The following LAMA2 variants were observed in gnomAD, a reference collection of about 807,000 sequenced individuals.
LAMA2 encodes the protein laminin subunit alpha 2.
Under a neutral mutation model 364.8 loss-of-function variants are expected in LAMA2, and 269 were observed. That is an observed-to-expected ratio of 0.74 (90% CI 0.67 to 0.82). The LOEUF (loss-of-function observed/expected upper bound fraction) is 0.82, where lower values mean the gene tolerates loss of function less well. Among genes scored for constraint, LAMA2 ranks in the 40% least tolerant of loss-of-function variants. The pLI, the probability that LAMA2 is intolerant of heterozygous loss-of-function variation, is 0.00. For missense variants in LAMA2, 3,807 were observed against 3,873.2 expected, an observed-to-expected ratio of 0.98 and a Z score of 0.45; for synonymous variants, 1,379 against 1,370.6, an observed-to-expected ratio of 1.01 and a Z score of -0.14.
chr6:129,299,366 A>G (rs745947740), intron 21 of LAMA2, among the ~76,000 whole-genome samples: 11 of 152,142 alleles, frequency 7.2e-5, no homozygotes, highest in Admixed American at 1.3e-4. Context: ...GTTAGCGGCT[A>G]TAAAATATTT....
intron 12 of LAMA2, 41 bp from the exon 13 acceptor site, chr6:129,250,071 A>G (rs1020120521): frequency 8.6e-7 from 1 of 1,158,174 alleles, no homozygotes. Flanking sequence ...TTAATAGCCC[A>G]TCTCCTATCC....
chr6:129,410,706 TAGAC>T (rs1416521054), intron 40 of LAMA2, among the ~76,000 whole-genome samples: 18 of 149,560 alleles, frequency 1.2e-4, no homozygotes, highest in African/African-American at 2.5e-4. Context: ...AGATGGATGA[TAGAC>T]AGATTAGATA....
chr6:129,254,613 A>G (rs573300583), intron 14 of LAMA2, among the ~76,000 whole-genome samples: 28 of 152,324 alleles, frequency 1.8e-4, no homozygotes, highest in African/African-American at 5.8e-4. Context: ...ATTTCCATAC[A>G]TATGACAGTT....
intron 45 of LAMA2, among the ~76,000 whole-genome samples, chr6:129,449,715 A>C (rs1782568909): frequency 1.3e-5 from 2 of 151,778 alleles, no homozygotes; most frequent in East Asian, 3.9e-4. Flanking sequence ...GTGACATTAG[A>C]TACTCAGTTT....
At chr6:129,213,814 A>T (rs910629104) in intron 12 of LAMA2, among the ~76,000 whole-genome samples, 4 of 152,136 alleles carry the variant, frequency 2.6e-5, no homozygotes, top group Admixed American at 2.6e-4. Context: ...AGTTTCTCTT[A>T]TTCTCTTCAC....
chr6:129,361,848 G>A (rs1777480757), intron 32 of LAMA2, among the ~76,000 whole-genome samples: 1 of 137,012 alleles, frequency 7.3e-6, no homozygotes, highest in Non-Finnish European at 1.5e-5. Context: ...GCAGTGGCAT[G>A]ATCTAGGCTC....
intron 12 of LAMA2, among the ~76,000 whole-genome samples, chr6:129,208,533 G>GAGAGAAAGAAAAGGAAGAGAAAGAAAGAA (rs1782837295): frequency 7.2e-6 from 1 of 139,506 alleles, no homozygotes; most frequent in Admixed American, 7.1e-5. Flanking sequence ...AAGAAAGAAA[G>GAGAGAAAGAAAAGGAAGAGAAAGAAAGAA]AGAGAAAGAA....
intron 1 of LAMA2, among the ~76,000 whole-genome samples, chr6:128,945,424 A>G (rs1351397205): frequency 1.3e-5 from 2 of 152,240 alleles, no homozygotes; most frequent in African/African-American, 2.4e-5. Flanking sequence ...TACAGCAGGC[A>G]GTGAAGAACA....
chr6:129,471,301 G>T (rs966063285), intron 51 of LAMA2, among the ~76,000 whole-genome samples: 1 of 151,868 alleles, frequency 6.6e-6, no homozygotes, highest in Non-Finnish European at 1.5e-5. Context: ...ATAGAGTAAA[G>T]CACTCCCTTT....
intron 34 of LAMA2, among the ~76,000 whole-genome samples, chr6:129,377,310 G>A (rs1778428388): frequency 6.6e-6 from 1 of 151,946 alleles, no homozygotes; most frequent in Non-Finnish European, 1.5e-5. Flanking sequence ...AATATTATAA[G>A]TTTACAAGAT....
chr6:129,381,201 G>C (rs1027077477), intron 34 of LAMA2, among the ~76,000 whole-genome samples: 1 of 152,132 alleles, frequency 6.6e-6, no homozygotes, highest in Non-Finnish European at 1.5e-5. Flanking sequence ...TAAGATATTG[G>C]AAGATGACCA....
intron 1 of LAMA2, among the ~76,000 whole-genome samples, chr6:129,026,098 C>A (rs567954031): frequency 6.6e-6 from 1 of 152,198 alleles, no homozygotes; most frequent in South Asian, 2.1e-4. Flanking sequence ...TCTCCCTAGA[C>A]ATAGACTATT....
At chr6:129,234,430 T>C (rs1403903994) in intron 12 of LAMA2, among the ~76,000 whole-genome samples, 2 of 152,154 alleles carry the variant, frequency 1.3e-5, no homozygotes, top group Non-Finnish European at 2.9e-5. Flanking sequence ...AGTTTTTTAC[T>C]TATATCACAG....
At chr6:128,937,485 C>A (rs1001517235) in intron 1 of LAMA2, among the ~76,000 whole-genome samples, 6 of 151,860 alleles carry the variant, frequency 4.0e-5, no homozygotes, top group African/African-American at 1.5e-4. Flanking sequence ...GTACTCATTA[C>A]CCAAATTTGT....
At position 129,516,431 on chromosome 6, in the gene LAMA2, TA is replaced by T; in HGVS notation, c.*86del. ...ACAAATATATTTTACCTATATATGT[TA>T]ATTAAACTAATTTGTGCATGTACAT... On this transcript the variant is annotated 3_prime_UTR_variant, in exon 65 of 65. Transcript: ENST00000421865. The T allele has an allele frequency of 7.6e-7, 1 of 1,316,330 alleles. No individual in the cohort carries two copies. 81.5% of individuals were successfully genotyped at this position (1,316,330 alleles called of 1,614,324 possible). A position where few individuals can be genotyped will look rare whatever the true frequency, so the allele number is the denominator to read the frequency against.
rs1477743469 is a variant in LAMA2, at chr6:129,415,944, TC to T, written c.5866-11807del. Among the ~76,000 whole-genome samples the T allele has an allele frequency of 1.6e-4, 17 of 104,092 alleles. 1 individual carries two copies. Among genetic ancestry groups the T allele is most frequent in the Non-Finnish European group, 3.1e-4 (16 of 51,918 alleles). 68.3% of individuals were successfully genotyped at this position (104,092 alleles called of 152,430 possible). On this transcript the variant is annotated intron_variant, in intron 40 of 64. Transcript: ENST00000421865. ...CTTTGCTGAAATTATACACTTTCTT[TC>T]TTTTTTTTTTTTTTTTTTTTTGAGA...
At position 129,177,837 on chromosome 6, in the gene LAMA2, G is replaced by C. The variant is rs768914124; in HGVS notation, c.1438G>C (p.Asp480His). 3.1e-6 allele frequency: 5 copies of C among 1,613,834 alleles called. 1 individual carries two copies. In the East Asian group the frequency reaches 8.9e-5, roughly 29 times the overall value. Residue 480 changes from aspartate (D) to histidine (H), a missense_variant, in exon 10 of 65, where the codon GAT becomes CAT. Physicochemically the swap from Asp to His is moderately conservative, Grantham distance 81. Coordinates refer to ENST00000421865, the MANE Select transcript of LAMA2 (RefSeq NM_000426.4). ...NCSGLGSKNE[D>H]PCFGPCICKE... ...CAGTGGGTTAGGGAGCAAAAATGAG[G>C]ATCCTTGTTTTGGCCCCTGTATCTG... is the stretch of plus-strand genomic sequence containing the variant.
At chr6:129,169,840 T>G (rs1161895086) in intron 9 of LAMA2, among the ~76,000 whole-genome samples, 7 of 143,598 alleles carry the variant, frequency 4.9e-5, no homozygotes, top group South Asian at 2.3e-4. Flanking sequence ...CAATTTCAGA[T>G]CCTGTTATTG....
intron 20 of LAMA2, chr6:129,293,050 A>G (rs1225712139): frequency 1.0e-6 from 1 of 985,892 alleles, no homozygotes; most frequent in South Asian, 4.7e-5. Flanking sequence ...CGGGGAGCCT[A>G]TCGGGCCCCA....
Sources: allele counts gnomAD v4.1 joint callset (sites outside exome capture counted in the v4.1 genomes callset), GRCh38; gene constraint gnomAD v4.1.1; transcripts MANE v1.5; gene names NCBI Gene and HGNC (gene_info 2026-07-23, HGNC 2026-07-21).